The following LRRC36 variants were observed in gnomAD, a reference collection of about 807,000 sequenced individuals.
LRRC36 encodes the protein leucine-rich repeat-containing protein 36.
In LRRC36, 62 loss-of-function variants were observed where a neutral mutation model predicts 81.1. The ratio of observed to expected loss-of-function variants is 0.76; its 90% CI spans 0.62 to 0.94. The LOEUF is 0.94. Among genes scored for constraint, LRRC36 ranks in the 40% least tolerant of loss-of-function variants. The pLI is 0.00. For missense variants in LRRC36, 761 were observed against 881.7 expected (o/e 0.86, Z 1.73); for synonymous variants, 334 against 348.6 (o/e 0.96, Z 0.47).
At chr16:67,379,584 G>C (rs185876557) in intron 12 of LRRC36, among the ~76,000 whole-genome samples, 1 of 152,200 alleles carries the variant, frequency 6.6e-6, no homozygotes, top group East Asian at 1.9e-4. Flanking sequence ...GCGCGTGGTG[G>C]CAAGTCCCTG....
chr16:67,337,562 G>T (rs2037823191), intron 1 of LRRC36, among the ~76,000 whole-genome samples: 1 of 151,212 alleles, frequency 6.6e-6, no homozygotes. Context: ...GTTTTGCCAT[G>T]TTGGTCAGTC....
intron 5 of LRRC36, among the ~76,000 whole-genome samples, chr16:67,357,304 A>C (rs577975875): frequency 2.0e-5 from 3 of 152,264 alleles, no homozygotes; most frequent in South Asian, 4.1e-4. Context: ...GAAAAAAACC[A>C]CCTCACCAAT....
In LRRC36 at chr16:67,332,560, AAAT is replaced by A. The variant is rs1373664506; in HGVS notation, c.70+5634_70+5636del. Among the ~76,000 whole-genome samples, 3 of 152,312 alleles carry A rather than the reference AAAT, an allele frequency of 2.0e-5. No homozygotes were observed. The East Asian group carries it at 5.8e-4, about 29-fold the overall frequency. ...CAGAGCGAGACTCCGTCTCAAAAAAAAATAATAAATAAATAAATAAACACTGAA... is the reference window on the plus strand; with the variant it reads ...CAGAGCGAGACTCCGTCTCAAAAAAAAATAAATAAATAAATAAACACTGAA... On this transcript the variant is annotated intron_variant, in intron 1 of 13. Transcript: ENST00000329956.
chr16:67,346,200 T>G, intron 2 of LRRC36, 56 bp from the exon 3 acceptor site: 9 of 1,085,680 alleles, frequency 8.3e-6, no homozygotes, highest in African/African-American at 1.6e-5. Context: ...TCTTTATCTA[T>G]GAGGTTCCTA....
At chr16:67,351,226 C>T (rs1001220492) in intron 5 of LRRC36, among the ~76,000 whole-genome samples, 19 of 151,998 alleles carry the variant, frequency 1.3e-4, no homozygotes, top group African/African-American at 4.6e-4. Flanking sequence ...GTGCCTCTTC[C>T]CTTGGAAGAA....
In LRRC36 at chr16:67,367,002, C is replaced by T. The variant is rs1216293353; in HGVS notation, c.755-15C>T. On this transcript the variant is annotated splice_polypyrimidine_tract_variant and intron_variant, in intron 7 of 13. Coordinates refer to ENST00000329956, the MANE Select transcript of LRRC36 (RefSeq NM_018296.6). ...TTCTTATCATGTTTTGTTTTTTTGC[C>T]TTGGTGGTGTTTAGAGTTCAGACAC... 2.5e-6 allele frequency: 4 copies of T among 1,569,390 alleles called. No individual in the cohort carries two copies. Among genetic ancestry groups the T allele is most frequent in the South Asian group, 1.2e-5 (1 of 83,086 alleles).
chr16:67,358,168 T>G (rs1480869643), intron 5 of LRRC36, among the ~76,000 whole-genome samples: 1 of 149,980 alleles, frequency 6.7e-6, no homozygotes, highest in Non-Finnish European at 1.5e-5. Context: ...AGGCATCAGT[T>G]TTTTTTTTTT....
At chr16:67,377,825 A>G (rs9931704) in intron 11 of LRRC36, among the ~76,000 whole-genome samples, 26,933 of 150,816 alleles carry the variant, frequency 0.18, 5,708 homozygotes, top group African/African-American at 0.51. Context: ...AGTAGAGACA[A>G]GGTTTCACCA....
chr16:67,378,255 T>C (rs1465201875), intron 11 of LRRC36, among the ~76,000 whole-genome samples: 1 of 148,798 alleles, frequency 6.7e-6, no homozygotes, highest in African/African-American at 2.5e-5. Context: ...TTTTTTTTTT[T>C]TTGAGACGGA....
At chr16:67,362,152 CGTTTTGTTTT>C (rs775184001) in intron 5 of LRRC36, 1 of 451,378 alleles carries the variant, frequency 2.2e-6, no homozygotes, top group Non-Finnish European at 4.4e-6. Flanking sequence ...TGTTCTAATA[CGTTTTGTTTT>C]GTTTTGTTTT....
rs73594971 is a variant in LRRC36, at chr16:67,367,525, T to C, written c.1195+68T>C. 3.5e-4 allele frequency: 496 copies of C among 1,428,498 alleles called. No individual in the cohort carries two copies. In the African/African-American group the frequency reaches 6.4e-3, roughly 18 times the overall value. The allele number at this position is 1,428,498 out of a possible 1,614,324, so 88.5% of individuals were successfully genotyped here. A position where few individuals can be genotyped will look rare whatever the true frequency, so the allele number is the denominator to read the frequency against. The stretch of plus-strand genomic sequence containing the variant: ...GAAGATAGAAGATATAAGTGAAAAT[T>C]TTGGAATTAACCCTTCTGAAATTGT... On this transcript the variant is annotated intron_variant, in intron 8 of 13. Coordinates refer to ENST00000329956, the MANE Select transcript of LRRC36 (RefSeq NM_018296.6).
At chr16:67,372,814 A>C (rs1181907105) in intron 9 of LRRC36, among the ~76,000 whole-genome samples, 1 of 152,108 alleles carries the variant, frequency 6.6e-6, no homozygotes, top group Non-Finnish European at 1.5e-5. Context: ...AAGACTTCCT[A>C]TTCAGTTTTC....
At chr16:67,335,845 G>C (rs1432177074) in intron 1 of LRRC36, among the ~76,000 whole-genome samples, 4 of 151,858 alleles carry the variant, frequency 2.6e-5, no homozygotes, top group East Asian at 3.9e-4. Context: ...CGATTCTCCT[G>C]CCTCAGCCTC....
intron 1 of LRRC36, among the ~76,000 whole-genome samples, chr16:67,329,504 G>C (rs1008258124): frequency 2.6e-5 from 4 of 151,886 alleles, no homozygotes; most frequent in Non-Finnish European, 4.4e-5. Context: ...TGCTAGCCAG[G>C]CTAGTCTTGA....
Position 67,385,148 on chromosome 16 carries a change from G to A in LRRC36, c.*59G>A. 24 of 1,263,500 alleles carry A rather than the reference G, an allele frequency of 1.9e-5. No homozygotes were observed. Among genetic ancestry groups the A allele is most frequent in the Non-Finnish European group, 2.6e-5 (23 of 868,540 alleles). The allele number at this position is 1,263,500 out of a possible 1,614,324, so 78.3% of individuals were successfully genotyped here. On this transcript the variant is annotated 3_prime_UTR_variant, in exon 14 of 14. Transcript: ENST00000329956. ...GTCCACAGAGGCTCTCACCGCCATT[G>A]CCACCAGTATGGTGGTATGTACTCA... is the stretch of plus-strand genomic sequence containing the variant.
At chr16:67,327,774 G>T (rs964409486) in intron 1 of LRRC36, among the ~76,000 whole-genome samples, 3 of 152,202 alleles carry the variant, frequency 2.0e-5, no homozygotes, top group Non-Finnish European at 4.4e-5. Flanking sequence ...GAAGAATGTG[G>T]TATCTTGGAA....
At chr16:67,378,271 G>A (rs1361309778) in intron 11 of LRRC36, among the ~76,000 whole-genome samples, 3 of 116,548 alleles carry the variant, frequency 2.6e-5, no homozygotes, top group Non-Finnish European at 3.2e-5. Flanking sequence ...ACGGATTCTC[G>A]CTCTGTTGCC....
At chr16:67,380,907 AT>A (rs1199461876) in intron 12 of LRRC36, among the ~76,000 whole-genome samples, 1 of 152,160 alleles carries the variant, frequency 6.6e-6, no homozygotes, top group African/African-American at 2.4e-5. Flanking sequence ...TTTTAGCAAG[AT>A]CCCCAGGTGA....
chr16:67,341,483 G>A (rs1253540115), intron 1 of LRRC36, among the ~76,000 whole-genome samples: 4 of 151,440 alleles, frequency 2.6e-5, no homozygotes, highest in South Asian at 2.1e-4. Context: ...ATTGTCTTTC[G>A]TATCAATGTA....
Sources: allele counts gnomAD v4.1 joint callset (sites outside exome capture counted in the v4.1 genomes callset), GRCh38; gene constraint gnomAD v4.1.1; transcripts MANE v1.5; gene names NCBI Gene and HGNC (gene_info 2026-07-23, HGNC 2026-07-21).